The following ZNF385D variants were observed in gnomAD, a reference collection of about 807,000 sequenced individuals.
ZNF385D encodes zinc finger protein 385D, also known as zinc finger protein 659.
In ZNF385D, 15 loss-of-function variants were observed where a neutral mutation model predicts 35.8. That is an observed-to-expected ratio of 0.42 (90% CI 0.28 to 0.64). The LOEUF (loss-of-function observed/expected upper bound fraction) is 0.64, where lower values mean the gene tolerates loss of function less well. ZNF385D is among the 30% of genes least tolerant of loss of function. The pLI is 0.23. For missense variants in ZNF385D, 474 were observed against 494.6 expected (o/e 0.96, Z 0.39); for synonymous variants, 212 against 186.8 (o/e 1.13, Z -1.10).
chr3:22,171,641 C>T (rs1477299180), intron 2 of ZNF385D, among the ~76,000 whole-genome samples: 1 of 152,040 alleles, frequency 6.6e-6, no homozygotes, highest in East Asian at 1.9e-4. Flanking sequence ...CTTTGGGAGG[C>T]CGAGGCGGGT....
intron 3 of ZNF385D, among the ~76,000 whole-genome samples, chr3:22,016,573 C>A (rs911128327): frequency 6.6e-6 from 1 of 151,942 alleles, no homozygotes; most frequent in African/African-American, 2.4e-5. Context: ...TATTTCAGAA[C>A]GGGCATGTGA....
At chr3:21,825,707 CTCTT>C (rs1218044704) in intron 3 of ZNF385D, among the ~76,000 whole-genome samples, 1 of 152,190 alleles carries the variant, frequency 6.6e-6, no homozygotes, top group African/African-American at 2.4e-5. Context: ...ATTTTCTTGT[CTCTT>C]TCTCTGTGTT....
rs141894739 is a variant in ZNF385D at position 22,171,744 on chromosome 3, C to T, written c.107-2709G>A. On this transcript the variant is annotated intron_variant, in intron 2 of 5. Coordinates refer to the ZNF385D transcript ENST00000494108. ...TACAAGAAATTAGCCGGGCGTGGTGCCAGGCGCCTGTAGTTCCAGCTACTC... is the reference window on the plus strand; with the variant it reads ...TACAAGAAATTAGCCGGGCGTGGTGTCAGGCGCCTGTAGTTCCAGCTACTC... Among the ~76,000 whole-genome samples the T allele has an allele frequency of 6.0e-4, 91 of 151,544 alleles. 1 individual carries two copies. In the East Asian group the frequency reaches 0.017, roughly 29 times the overall value.
At chr3:21,889,930 A>G (rs1346011773) in intron 3 of ZNF385D, among the ~76,000 whole-genome samples, 1 of 151,974 alleles carries the variant, frequency 6.6e-6, no homozygotes, top group Non-Finnish European at 1.5e-5. Flanking sequence ...ATCTTCACAT[A>G]GCATCTCTGT....
At chr3:22,108,866 G>C (rs1479697353) in intron 3 of ZNF385D, among the ~76,000 whole-genome samples, 1 of 152,046 alleles carries the variant, frequency 6.6e-6, no homozygotes, top group African/African-American at 2.4e-5. Flanking sequence ...TACAAAATTA[G>C]CTGTGTGCGG....
intron 3 of ZNF385D, among the ~76,000 whole-genome samples, chr3:21,781,107 G>C (rs1230371688): frequency 6.6e-6 from 1 of 152,026 alleles, no homozygotes; most frequent in Non-Finnish European, 1.5e-5. Flanking sequence ...TAATAAGCAA[G>C]AGAGGTAACC....
intron 2 of ZNF385D, among the ~76,000 whole-genome samples, chr3:21,602,678 G>A (rs953237523): frequency 1.3e-4 from 20 of 150,042 alleles, no homozygotes; most frequent in East Asian, 2.0e-4. Flanking sequence ...GACTACAGGC[G>A]CCCGCCACCG....
chr3:22,041,196 T>A (rs1363975294), intron 3 of ZNF385D, among the ~76,000 whole-genome samples: 1 of 152,094 alleles, frequency 6.6e-6, no homozygotes, highest in Non-Finnish European at 1.5e-5. Flanking sequence ...TCAAGTCTAG[T>A]TGAAGAGAAA....
intron 2 of ZNF385D, among the ~76,000 whole-genome samples, chr3:22,294,127 C>T (rs988160069): frequency 1.3e-5 from 2 of 151,508 alleles, no homozygotes; most frequent in African/African-American, 4.9e-5. Context: ...ATAAATATAA[C>T]CTTAATATTG....
chr3:22,101,750 A>C (rs1470111728), intron 3 of ZNF385D, among the ~76,000 whole-genome samples: 1 of 152,074 alleles, frequency 6.6e-6, no homozygotes, highest in African/African-American at 2.4e-5. Context: ...TTGTGCCCAT[A>C]AATTGAAGAC....
At chr3:22,005,083 A>AAAAAAAAAAAAAAAAAACC (rs1553717904) in intron 3 of ZNF385D, among the ~76,000 whole-genome samples, 1 of 117,312 alleles carries the variant, frequency 8.5e-6, no homozygotes. Flanking sequence ...AAAAAAAAAA[A>AAAAAAAAAAAAAAAAAACC]AGGCAGAAAA....
chr3:21,776,247 GCTTATTA>G (rs1203784603), intron 3 of ZNF385D, among the ~76,000 whole-genome samples: 2 of 151,810 alleles, frequency 1.3e-5, no homozygotes, highest in Non-Finnish European at 2.9e-5. Context: ...TAGTTTTTGT[GCTTATTA>G]CTTATTGTTT....
intron 1 of ZNF385D, among the ~76,000 whole-genome samples, chr3:21,746,149 T>C (rs946342008): frequency 6.6e-6 from 1 of 152,198 alleles, no homozygotes; most frequent in African/African-American, 2.4e-5. Context: ...GGAATGGAAG[T>C]CAGAAACCAC....
chr3:21,936,349 G>C (rs1373224877), intron 3 of ZNF385D, among the ~76,000 whole-genome samples: 2 of 151,622 alleles, frequency 1.3e-5, no homozygotes, highest in Admixed American at 1.3e-4. Context: ...AAATTCTCAA[G>C]ATTTTTAAAG....
At chr3:21,571,784 T>C (rs1004905359) in intron 2 of ZNF385D, among the ~76,000 whole-genome samples, 7 of 152,148 alleles carry the variant, frequency 4.6e-5, no homozygotes, top group Non-Finnish European at 1.0e-4. Flanking sequence ...AACTTATGAT[T>C]ATAATTTTAT....
At chr3:22,173,832 T>C (rs1459572900) in intron 2 of ZNF385D, among the ~76,000 whole-genome samples, 1 of 152,176 alleles carries the variant, frequency 6.6e-6, no homozygotes. Flanking sequence ...GGTAGGTAAA[T>C]TCAATTCAGA....
chr3:21,905,650 T>C (rs1006697561), intron 3 of ZNF385D, among the ~76,000 whole-genome samples: 3 of 151,444 alleles, frequency 2.0e-5, no homozygotes, highest in African/African-American at 7.3e-5. Flanking sequence ...TCTTTTAATC[T>C]CATACATGGT....
At chr3:22,313,603 A>T (rs1312210273) in intron 2 of ZNF385D, among the ~76,000 whole-genome samples, 1 of 152,170 alleles carries the variant, frequency 6.6e-6, no homozygotes, top group Non-Finnish European at 1.5e-5. Context: ...AGGGAAAAAA[A>T]TAACTTAAGC....
intron 4 of ZNF385D, among the ~76,000 whole-genome samples, chr3:21,480,980 T>A (rs1704590621): frequency 6.6e-6 from 1 of 152,174 alleles, no homozygotes; most frequent in African/African-American, 2.4e-5. Context: ...TTTAAACATT[T>A]ATTTTATTTT....
Sources: allele counts gnomAD v4.1 joint callset (sites outside exome capture counted in the v4.1 genomes callset), GRCh38; gene constraint gnomAD v4.1.1; transcripts MANE v1.5; gene names NCBI Gene and HGNC (gene_info 2026-07-23, HGNC 2026-07-21).